Variants in TRAPPC9 observed in about 807,000 individuals in gnomAD.
The protein encoded by TRAPPC9 is IKK2 binding protein.
A neutral mutation model predicts 124.0 loss-of-function variants in TRAPPC9; 83 were observed. That is an observed-to-expected ratio of 0.67 (90% CI 0.56 to 0.80). The LOEUF is 0.80. Ranked by LOEUF, TRAPPC9 falls within the 30% of genes least tolerant of loss-of-function variation. The pLI is 0.00. For missense variants in TRAPPC9, 1,302 were observed against 1,508.3 expected, an observed-to-expected ratio of 0.86 and a Z score of 2.27; for synonymous variants, 638 against 617.5, an observed-to-expected ratio of 1.03 and a Z score of -0.49.
chr8:140,018,184 A>G (rs939021799), intron 18 of TRAPPC9, among the ~76,000 whole-genome samples: 3 of 151,466 alleles, frequency 2.0e-5, no homozygotes, highest in Admixed American at 6.6e-5. Flanking sequence ...TCTCTTTATC[A>G]TGTTTTGTCA....
intron 21 of TRAPPC9, among the ~76,000 whole-genome samples, chr8:139,817,608 G>A (rs576409056): frequency 1.3e-5 from 2 of 152,362 alleles, no homozygotes; most frequent in East Asian, 3.9e-4. Context: ...CGTCCCGGCA[G>A]CAGGCGCCAC....
chr8:139,926,375 A>C (rs1258346603), intron 19 of TRAPPC9, among the ~76,000 whole-genome samples: 1 of 152,198 alleles, frequency 6.6e-6, no homozygotes, highest in Non-Finnish European at 1.5e-5. Flanking sequence ...CACAATGGGA[A>C]ACTGACAACA....
intron 21 of TRAPPC9, among the ~76,000 whole-genome samples, chr8:139,777,603 C>T (rs1437762177): frequency 2.0e-5 from 3 of 152,322 alleles, no homozygotes; most frequent in African/African-American, 4.8e-5. Context: ...TCTTACATAA[C>T]GTGTATGTTG....
chr8:140,186,043 A>T (rs958773602), intron 17 of TRAPPC9, among the ~76,000 whole-genome samples: 1 of 152,226 alleles, frequency 6.6e-6, no homozygotes, highest in African/African-American at 2.4e-5. Context: ...ATTGTTACCC[A>T]AAAGCTATTG....
In TRAPPC9 at chr8:140,241,609, C is replaced by T. The variant is rs1035687337; in HGVS notation, c.2431+11168G>A. On this transcript the variant is annotated intron_variant, in intron 16 of 22. Coordinates refer to ENST00000438773, the MANE Select transcript of TRAPPC9 (RefSeq NM_001160372.4). This position sits in a 1 kb window ranked among gnomAD's most constrained non-coding sequence, Gnocchi z 5.0. ...ATTCGGAAGGCTGAGACAGGAGAAT[C>T]GCTTAAGCCCGGGAGGCAGAGGTTG... Among the ~76,000 whole-genome samples, 3 of 151,942 alleles carry T rather than the reference C, an allele frequency of 2.0e-5. No individual in the cohort carries two copies. Among genetic ancestry groups the T allele is most frequent in the East Asian group, 1.9e-4 (1 of 5,164 alleles).
At chr8:140,223,369 G>T (rs915811717) in intron 16 of TRAPPC9, among the ~76,000 whole-genome samples, 1 of 152,202 alleles carries the variant, frequency 6.6e-6, no homozygotes, top group Non-Finnish European at 1.5e-5. Context: ...CATACTGGCA[G>T]TCATTGATCC....
chr8:140,380,974 G>A (rs2068589185), intron 7 of TRAPPC9, among the ~76,000 whole-genome samples: 1 of 152,034 alleles, frequency 6.6e-6, no homozygotes, highest in Non-Finnish European at 1.5e-5. Context: ...GGAGGCCGAG[G>A]CAGGTGGATC....
At chr8:139,753,073 TATCCATCC>T (rs138670884) in intron 21 of TRAPPC9, among the ~76,000 whole-genome samples, 1 of 123,862 alleles carries the variant, frequency 8.1e-6, no homozygotes, top group Non-Finnish European at 1.6e-5. Flanking sequence ...CCCACCCATC[TATCCATCC>T]ATCCATCCAT....
intron 17 of TRAPPC9, among the ~76,000 whole-genome samples, chr8:140,051,029 C>T (rs1231140456): frequency 6.6e-6 from 1 of 152,206 alleles, no homozygotes; most frequent in Non-Finnish European, 1.5e-5. Flanking sequence ...CAATCTCGTA[C>T]AGAGAGGGTT....
intron 17 of TRAPPC9, among the ~76,000 whole-genome samples, chr8:140,193,785 G>A (rs2062561733): frequency 6.6e-6 from 1 of 152,210 alleles, no homozygotes; most frequent in South Asian, 2.1e-4. Context: ...CTGTGCGATT[G>A]TGGACAAACT....
intron 5 of TRAPPC9, among the ~76,000 whole-genome samples, chr8:140,426,320 C>G (rs2070421334): frequency 1.3e-5 from 2 of 152,168 alleles, no homozygotes; most frequent in Admixed American, 6.5e-5. Flanking sequence ...TCAAAATTAA[C>G]AGGACAAACA....
chr8:140,357,240 G>A (rs924932815), intron 9 of TRAPPC9, among the ~76,000 whole-genome samples: 3 of 152,170 alleles, frequency 2.0e-5, no homozygotes, highest in Non-Finnish European at 2.9e-5. Context: ...GTCACATGGT[G>A]AAGGGGCAGG....
intron 17 of TRAPPC9, among the ~76,000 whole-genome samples, chr8:140,069,025 G>A (rs1843008930): frequency 6.6e-6 from 1 of 152,156 alleles, no homozygotes; most frequent in Non-Finnish European, 1.5e-5. Context: ...GGCTGTGCCT[G>A]AGTCCAGTTC....
chr8:139,941,134 G>A (rs1185681690), intron 19 of TRAPPC9, among the ~76,000 whole-genome samples: 1 of 152,222 alleles, frequency 6.6e-6, no homozygotes, highest in Non-Finnish European at 1.5e-5. Flanking sequence ...GAAGAACAGG[G>A]CAGCAGAGCC....
chr8:140,119,447 G>A (rs11780125), intron 17 of TRAPPC9, among the ~76,000 whole-genome samples: 33,555 of 151,982 alleles, frequency 0.22, 4,469 homozygotes, highest in Admixed American at 0.32. Context: ...CTCACTCCAC[G>A]CCTCACCCCG....
chr8:139,898,151 C>T (rs943748301), intron 20 of TRAPPC9, among the ~76,000 whole-genome samples: 11 of 152,336 alleles, frequency 7.2e-5, no homozygotes, highest in South Asian at 2.1e-4. Context: ...GGGCAAGGGG[C>T]GGCTACTTGC....
rs142497436 is a variant in TRAPPC9 at position 140,038,360 on chromosome 8, CT to C, written c.2557-14282del. Reference sequence around the variant, plus strand: ...GCAACGTGGCCTGACACCCCTGAGGCTGCATCCAAAGCTGGCCTTCAAGTCA... The same window carrying C: ...GCAACGTGGCCTGACACCCCTGAGGCGCATCCAAAGCTGGCCTTCAAGTCA... On this transcript the variant is annotated intron_variant, in intron 17 of 22. Coordinates refer to ENST00000438773, the MANE Select transcript of TRAPPC9 (RefSeq NM_001160372.4). Among the ~76,000 whole-genome samples the C allele has an allele frequency of 7.1e-4, 108 of 152,350 alleles. No individual in the cohort carries two copies. The East Asian group carries it at 0.015, about 22-fold the overall frequency.
intron 18 of TRAPPC9, among the ~76,000 whole-genome samples, chr8:140,001,215 C>T (rs1838373799): frequency 6.6e-6 from 1 of 152,074 alleles, no homozygotes; most frequent in South Asian, 2.1e-4. Flanking sequence ...GAGAACATCA[C>T]ACACCAGGGC....
intron 7 of TRAPPC9, 139 bp downstream of exon 7, chr8:140,397,481 A>T: frequency 1.0e-6 from 1 of 968,740 alleles, no homozygotes; most frequent in Non-Finnish European, 1.6e-6. Flanking sequence ...AACCATGTTA[A>T]TTAGAAATCA....
Sources: gnomAD v4.1 joint callset for allele counts (sites outside exome capture counted in the v4.1 genomes callset) on GRCh38, gnomAD v4.1.1 for gene constraint, Gnocchi (gnomAD v3.1) non-coding constraint, MANE v1.5 for transcripts, NCBI Gene and HGNC (gene_info 2026-07-23, HGNC 2026-07-21) for gene names.